The following BICDL1 variants were observed in gnomAD, a reference collection of about 807,000 sequenced individuals.
The protein encoded by BICDL1 is BICD family-like cargo adapter 1.
A neutral mutation model predicts 76.8 loss-of-function variants in BICDL1; 20 were observed. That is an observed-to-expected ratio of 0.26 (90% confidence interval 0.18 to 0.38). The LOEUF (loss-of-function observed/expected upper bound fraction) is 0.38. Among genes scored for constraint, BICDL1 ranks in the 10% least tolerant of loss-of-function variants. The pLI, the probability that BICDL1 is intolerant of heterozygous loss-of-function variation, is 1.00. For missense variants in BICDL1, 700 were observed against 798.6 expected (o/e 0.88, Z 1.49); for synonymous variants, 383 against 337.1 (o/e 1.14, Z -1.49).
intron 9 of BICDL1, chr12:120,091,646 G>T: frequency 1.0e-6 from 1 of 985,172 alleles, no homozygotes; most frequent in Non-Finnish European, 1.2e-6. Context: ...TGAAAGACAG[G>T]GTTGAGAGAA....
chr12:120,040,691 C>T (rs1952622618), intron 2 of BICDL1, among the ~76,000 whole-genome samples: 1 of 151,810 alleles, frequency 6.6e-6, no homozygotes, highest in South Asian at 2.1e-4. Flanking sequence ...GCTGGGATTA[C>T]AGGTGTGAAC....
chr12:120,084,125 C>G (rs1874210975), intron 8 of BICDL1, among the ~76,000 whole-genome samples: 1 of 152,128 alleles, frequency 6.6e-6, no homozygotes, highest in Non-Finnish European at 1.5e-5. Context: ...GCCTCAGCCT[C>G]CCGAGTAGCT....
intron 2 of BICDL1, among the ~76,000 whole-genome samples, chr12:120,037,828 C>T (rs1022408426): frequency 6.6e-6 from 1 of 152,154 alleles, no homozygotes; most frequent in African/African-American, 2.4e-5. Flanking sequence ...CAGACTCGTC[C>T]TTTGACCTTC....
chr12:120,023,508 G>A (rs930601649), intron 2 of BICDL1, among the ~76,000 whole-genome samples: 1 of 152,168 alleles, frequency 6.6e-6, no homozygotes, highest in African/African-American at 2.4e-5. Flanking sequence ...TCAAGTATGG[G>A]CCCAACACAG....
Position 120,094,388 on chromosome 12 carries a change from T to C in BICDL1, c.*1227T>C. 1 of 411,396 alleles carries C rather than the reference T, an allele frequency of 2.4e-6. No individual in the cohort carries two copies. Among genetic ancestry groups the C allele is most frequent in the Non-Finnish European group, 5.0e-6 (1 of 201,134 alleles). The allele number at this position is 411,396 out of a possible 1,614,324, so 25.5% of individuals were successfully genotyped here. ...ATCATGTAAATACATGTATGGATTT[T>C]ATAATATACATATATAAAAATCTAT... On this transcript the variant is annotated 3_prime_UTR_variant, in exon 10 of 10. Transcript: ENST00000548673.
intron 9 of BICDL1, chr12:120,092,389 G>A: frequency 4.1e-6 from 4 of 985,488 alleles, no homozygotes; most frequent in Non-Finnish European, 4.8e-6. Context: ...TGAAGACCGT[G>A]AGGCCCCTGG....
rs529625682 is a variant in BICDL1 at position 120,071,302 on chromosome 12, C to T, written c.910-320C>T. On this transcript the variant is annotated intron_variant, in intron 4 of 9. Coordinates refer to ENST00000548673, the MANE Select transcript of BICDL1 (RefSeq NM_001367886.1). The surrounding 1 kb of genome is among the most constrained non-coding windows in gnomAD (Gnocchi z 4.8). ...GATTTCAGGTACCCGCCACCACGCC[C>T]AGCTAATTTTTGTATTTTTAGTAGA... 1.3e-5 allele frequency among the ~76,000 whole-genome samples: 2 copies of T among 151,974 alleles called. No homozygotes were observed. Among genetic ancestry groups the T allele is most frequent in the African/African-American group, 4.8e-5 (2 of 41,440 alleles).
intron 2 of BICDL1, among the ~76,000 whole-genome samples, chr12:120,025,496 G>GC (rs1373520742): frequency 1.3e-5 from 2 of 152,128 alleles, no homozygotes; most frequent in Non-Finnish European, 2.9e-5. Flanking sequence ...TGTGGTGTTT[G>GC]CACCCGTGTT....
intron 1 of BICDL1, among the ~76,000 whole-genome samples, chr12:119,990,982 C>G (rs1489462125): frequency 1.3e-5 from 2 of 152,212 alleles, no homozygotes; most frequent in Non-Finnish European, 2.9e-5. Flanking sequence ...CCTATGAGAA[C>G]CATATTACTT....
chr12:120,053,637 A>G (rs1352653577), intron 2 of BICDL1, among the ~76,000 whole-genome samples: 1 of 152,172 alleles, frequency 6.6e-6, no homozygotes, highest in African/African-American at 2.4e-5. Context: ...TTCCAGTACC[A>G]TGAGATATTC....
At chr12:120,004,408 G>A (rs2138636099) in intron 2 of BICDL1, among the ~76,000 whole-genome samples, 1 of 152,288 alleles carries the variant, frequency 6.6e-6, no homozygotes, top group Non-Finnish European at 1.5e-5. Flanking sequence ...CTGCTTCAAA[G>A]GCTGAATGAA....
intron 2 of BICDL1, among the ~76,000 whole-genome samples, chr12:120,039,414 C>A (rs535351247): frequency 6.6e-6 from 1 of 150,406 alleles, no homozygotes; most frequent in South Asian, 2.1e-4. Flanking sequence ...CCAAGGTGGG[C>A]GGATTATGAG....
intron 3 of BICDL1, among the ~76,000 whole-genome samples, chr12:120,064,178 G>A (rs1953168007): frequency 6.6e-6 from 1 of 152,150 alleles, no homozygotes; most frequent in Non-Finnish European, 1.5e-5. Flanking sequence ...TTTGTTTTCT[G>A]TACCCTGGGA....
In BICDL1 at chr12:120,079,399, C is replaced by G. The variant is rs1241298550; in HGVS notation, c.1453-1488C>G. ...CCTGGGGCCTTTGCTCAGTTTCATT[C>G]TAGCTGAAGAGGATTAGACCTGGGA... On this transcript the variant is annotated intron_variant, in intron 7 of 9. Coordinates refer to ENST00000548673, the MANE Select transcript of BICDL1 (RefSeq NM_001367886.1). This position sits in a 1 kb window ranked among gnomAD's most constrained non-coding sequence, Gnocchi z 4.3. Among the ~76,000 whole-genome samples the G allele has an allele frequency of 6.6e-6, 1 of 152,178 alleles. No homozygotes were observed. The highest frequency in any genetic ancestry group is 6.5e-5 in the Admixed American group (1 of 15,276).
intron 1 of BICDL1, among the ~76,000 whole-genome samples, chr12:119,994,564 A>C (rs1184721887): frequency 6.6e-6 from 1 of 151,938 alleles, no homozygotes; most frequent in African/African-American, 2.4e-5. Flanking sequence ...ATCTTGGCTC[A>C]CTGCAACCTC....
At chr12:120,012,139 C>G (rs1951967092) in intron 2 of BICDL1, among the ~76,000 whole-genome samples, 3 of 152,178 alleles carry the variant, frequency 2.0e-5, no homozygotes, top group Non-Finnish European at 4.4e-5. Flanking sequence ...GGCTTCTCCT[C>G]TCACCCAAAT....
intron 2 of BICDL1, among the ~76,000 whole-genome samples, chr12:120,025,987 A>G (rs1952292612): frequency 6.6e-6 from 1 of 151,928 alleles, no homozygotes; most frequent in South Asian, 2.1e-4. Flanking sequence ...ACAGGTGTAC[A>G]CCAGTACGCC....
chr12:120,016,841 T>TAA (rs11354011), intron 2 of BICDL1, among the ~76,000 whole-genome samples: 9 of 147,382 alleles, frequency 6.1e-5, no homozygotes, highest in South Asian at 2.1e-4. Flanking sequence ...TTTTAGTATG[T>TAA]AAAAAAAAAA....
chr12:119,989,890 T>C lies in BICDL1; in HGVS notation c.22T>C (p.Leu8=), dbSNP rs868626582. The change falls in exon 1 of 10, where the codon TTG becomes CTG. Residue 8 remains leucine, a synonymous_variant. Coordinates refer to ENST00000548673, the MANE Select transcript of BICDL1 (RefSeq NM_001367886.1). MSAFCLG[L]VGRASAPAEP... ...GGCCATGTCCGCTTTCTGCCTGGGCTTGGTCGGCCGCGCTTCAGCACCCGC... is the reference window on the plus strand; with the variant it reads ...GGCCATGTCCGCTTTCTGCCTGGGCCTGGTCGGCCGCGCTTCAGCACCCGC... 4.2e-6 allele frequency: 6 copies of C among 1,438,574 alleles called. No homozygotes were observed. Among genetic ancestry groups the C allele is most frequent in the Non-Finnish European group, 5.4e-6 (6 of 1,107,694 alleles). 89.1% of individuals were successfully genotyped at this position (1,438,574 alleles called of 1,614,324 possible).
Sources: allele counts gnomAD v4.1 joint callset (sites outside exome capture counted in the v4.1 genomes callset), GRCh38; gene constraint gnomAD v4.1.1; non-coding constraint Gnocchi (gnomAD v3.1); transcripts MANE v1.5; gene names NCBI Gene and HGNC (gene_info 2026-07-23, HGNC 2026-07-21).